SPEG: variants seen among roughly 807,000 people sequenced by gnomAD.
SPEG encodes the protein striated muscle enriched protein kinase, also known as striated muscle preferentially expressed protein kinase.
In SPEG, 114 loss-of-function variants were observed where a neutral mutation model predicts 300.4. That is an observed-to-expected ratio of 0.38 (90% CI 0.33 to 0.44). The LOEUF is 0.44. Among genes scored for constraint, SPEG ranks in the 20% least tolerant of loss-of-function variants. The pLI, the probability that SPEG is intolerant of heterozygous loss-of-function variation, is 1.00. For synonymous variants in SPEG, 1,964 were observed against 2,018.9 expected (o/e 0.97, Z 0.73); for missense variants, 4,201 against 4,586.2 (o/e 0.92, Z 2.43).
In SPEG at chr2:219,448,169, T is replaced by C; in HGVS notation, c.1011T>C (p.Arg337=). ...CGGCCACCCCCACGTCGCCCCACCGTCGCACTCAGGAGCCTGTGCTGCCCG... is the reference window on the plus strand; with the variant it reads ...CGGCCACCCCCACGTCGCCCCACCGCCGCACTCAGGAGCCTGTGCTGCCCG... ...QPAATPTSPH[R]RTQEPVLPED... The change falls in exon 4 of 41, where the codon CGT becomes CGC. Residue 337 remains arginine (R), a synonymous_variant. Transcript: ENST00000312358. 6.2e-7 allele frequency: 1 copy of C among 1,611,280 alleles called. No individual in the cohort carries two copies. The highest frequency in any genetic ancestry group is 8.5e-7 in the Non-Finnish European group (1 of 1,179,150).
chr2:219,435,457 C>T, intron 1 of SPEG, 92 bp downstream of exon 1: 1 of 1,301,774 alleles, frequency 7.7e-7, no homozygotes, highest in South Asian at 1.6e-5. Flanking sequence ...GTACTGGATA[C>T]TGGTTCCGCC....
At chr2:219,472,180 G>A (rs775789760) in intron 14 of SPEG, 47 bp from the exon 15 acceptor site, 1 of 1,587,226 alleles carries the variant, frequency 6.3e-7, no homozygotes, top group African/African-American at 1.3e-5. Flanking sequence ...ATCCTGTGGG[G>A]CTGTTGGGCC....
Position 219,449,059 on chromosome 2 carries a change from C to G in SPEG, c.1901C>G (p.Pro634Arg), listed in dbSNP as rs1420285158. Residue 634 changes from proline (P) to arginine (R), a missense_variant, in exon 4 of 41, where the codon CCG (proline) becomes CGG (arginine). By Grantham distance (103) the Pro-to-Arg change is moderately radical (BLOSUM62 -2). Coordinates refer to ENST00000312358, the MANE Select transcript of SPEG (RefSeq NM_005876.5). ...KAPPGRKREPPAQAVRFLPWA... is the reference protein window; with the variant it reads ...KAPPGRKREPRAQAVRFLPWA... ...CCCCCCGGTCGGAAGCGGGAGCCCC[C>G]GGCGCAGGCCGTGCGCTTCCTGCCC... The G allele has an allele frequency of 5.3e-6, 8 of 1,517,532 alleles. No individual in the cohort carries two copies. Among genetic ancestry groups the G allele is most frequent in the Non-Finnish European group, 7.1e-6 (8 of 1,132,558 alleles). 94.0% of individuals were successfully genotyped at this position (1,517,532 alleles called of 1,614,324 possible).
Position 219,464,845 on chromosome 2 carries a change from C to T in SPEG, c.2881+237C>T, listed in dbSNP as rs2125429240. On this transcript the variant is annotated intron_variant, in intron 9 of 40. Coordinates refer to ENST00000312358, the MANE Select transcript of SPEG (RefSeq NM_005876.5). This position sits in a 1 kb window ranked among gnomAD's most constrained non-coding sequence, Gnocchi z 4.5. ...CAGCTTACTACACAACACCACCTTC[C>T]CTGTTGCTCCATCACGGAGCCCTGG... 2.0e-6 allele frequency: 1 copy of T among 508,482 alleles called. No individual in the cohort carries two copies. Among genetic ancestry groups the T allele is most frequent in the Non-Finnish European group, 3.5e-6 (1 of 285,682 alleles). 31.5% of individuals were successfully genotyped at this position (508,482 alleles called of 1,614,324 possible). A position where few individuals can be genotyped will look rare whatever the true frequency, so the allele number is the denominator to read the frequency against.
Position 219,488,428 on chromosome 2 carries a change from G to A in SPEG, c.7859-70G>A, listed in dbSNP as rs745650477. 3.9e-5 allele frequency: 59 copies of A among 1,509,956 alleles called. No homozygotes were observed. In the South Asian group the frequency reaches 5.6e-4, roughly 14 times the overall value. The allele number at this position is 1,509,956 out of a possible 1,614,324, so 93.5% of individuals were successfully genotyped here. A position where few individuals can be genotyped will look rare whatever the true frequency, so the allele number is the denominator to read the frequency against. ...ACGGTTAGGGGGGATGCTGGAGTGG[G>A]GAGTGAGTGAGGGGGCCTGGACATG... is the stretch of plus-strand genomic sequence containing the variant. On this transcript the variant is annotated intron_variant, in intron 32 of 40. Transcript: ENST00000312358.
chr2:219,456,608 A>G (rs1049697084), intron 6 of SPEG, among the ~76,000 whole-genome samples: 15 of 152,300 alleles, frequency 9.8e-5, no homozygotes, highest in Admixed American at 9.1e-4. Flanking sequence ...TAACATAGTC[A>G]TATATAAGAA....
At chr2:219,490,080 CA>C in intron 36 of SPEG, 141 bp downstream of exon 36, 1 of 1,021,050 alleles carries the variant, frequency 9.8e-7, no homozygotes, top group South Asian at 1.7e-5. Context: ...TGATTGCGTT[CA>C]AATGTGCCAG....
intron 36 of SPEG, 114 bp from the exon 37 acceptor site, chr2:219,490,294 TG>T: frequency 7.1e-7 from 1 of 1,417,360 alleles, no homozygotes; most frequent in Non-Finnish European, 9.5e-7. Context: ...GAGCCCACAC[TG>T]GAACCACTGC....
chr2:219,441,436 C>G (rs1399166685), intron 1 of SPEG: 1 of 459,294 alleles, frequency 2.2e-6, no homozygotes, highest in Non-Finnish European at 4.4e-6. Context: ...AGTCCACACC[C>G]GCCAGGACCC....
intron 9 of SPEG, chr2:219,466,470 GGT>G: frequency 8.4e-7 from 1 of 1,185,584 alleles, no homozygotes; most frequent in Non-Finnish European, 1.1e-6. Flanking sequence ...TCGGAGCTGA[GGT>G]GGGGTGAGAC....
chr2:219,465,949 G>T lies in SPEG; in HGVS notation c.2882-1225G>T, dbSNP rs369576487. On this transcript the variant is annotated intron_variant, in intron 9 of 40. Coordinates refer to ENST00000312358, the MANE Select transcript of SPEG (RefSeq NM_005876.5). ...CGCGCGTGTGCGTGCACGTGTGCGT[G>T]CATGTGTGCGTGTGCATGCGTGTGT... The T allele has an allele frequency of 6.0e-5, 55 of 913,484 alleles. No homozygotes were observed. The African/African-American group carries it at 6.7e-4, about 11-fold the overall frequency. 56.6% of individuals were successfully genotyped at this position (913,484 alleles called of 1,614,324 possible).
chr2:219,465,919 G>C (rs1437353094), intron 9 of SPEG: 3 of 710,332 alleles, frequency 4.2e-6, no homozygotes, highest in Non-Finnish European at 7.2e-6. Flanking sequence ...ATGCGTGTGT[G>C]TGTGCGCGCG....
intron 6 of SPEG, 80 bp from the exon 7 acceptor site, chr2:219,461,802 G>C (rs992110920): frequency 1.4e-6 from 2 of 1,458,266 alleles, no homozygotes; most frequent in Non-Finnish European, 1.9e-6. Flanking sequence ...CAACTCCTGG[G>C]CTCTGGGCGA....
rs1248781202 is a variant in SPEG, at chr2:219,477,586, A to C, written c.4730-103A>C. 5.1e-6 allele frequency: 7 copies of C among 1,372,024 alleles called. No homozygotes were observed. In the African/African-American group the frequency reaches 1.0e-4, roughly 20 times the overall value. 85.0% of individuals were successfully genotyped at this position (1,372,024 alleles called of 1,614,324 possible). A position where few individuals can be genotyped will look rare whatever the true frequency, so the allele number is the denominator to read the frequency against. On this transcript the variant is annotated intron_variant, in intron 20 of 40. Transcript: ENST00000312358. The surrounding 1 kb of genome is among the most constrained non-coding windows in gnomAD (Gnocchi z 6.4). ...CAGCACCCCGCCTTGAGCCCCCAAC[A>C]TTCTTGCACCTCTTCTCTCTTCTTC... is the stretch of plus-strand genomic sequence containing the variant.
In SPEG at chr2:219,479,059, C is replaced by T; in HGVS notation, c.5028-85C>T. 2.5e-6 allele frequency: 3 copies of T among 1,213,856 alleles called. No individual in the cohort carries two copies. Among genetic ancestry groups the T allele is most frequent in the Non-Finnish European group, 3.6e-6 (3 of 828,722 alleles). 75.2% of individuals were successfully genotyped at this position (1,213,856 alleles called of 1,614,324 possible). On this transcript the variant is annotated intron_variant, in intron 22 of 40. Coordinates refer to ENST00000312358, the MANE Select transcript of SPEG (RefSeq NM_005876.5). This position sits in a 1 kb window ranked among gnomAD's most constrained non-coding sequence, Gnocchi z 5.5. The stretch of plus-strand genomic sequence containing the variant: ...GCATTCTGTAAGGGGAAGGAGAACC[C>T]CGTGCTGAGCTGGGACCTGCCCTGA...
chr2:219,481,434 A>G lies in SPEG; in HGVS notation c.5500A>G (p.Lys1834Glu). Residue 1834 changes from lysine (K) to glutamate (E), a missense_variant, in exon 27 of 41, where the codon AAA (lysine) becomes GAA (glutamate). Physicochemically the swap from Lys to Glu is moderately conservative, Grantham distance 56 (BLOSUM62 1). Coordinates refer to ENST00000312358, the MANE Select transcript of SPEG (RefSeq NM_005876.5). The surrounding 1 kb of genome is among the most constrained non-coding windows in gnomAD (Gnocchi z 5.4). The stretch of plus-strand genomic sequence containing the variant: ...CAGGGAGGCCCGGGGCTTCCTCATC[A>G]AAGTGTTGGTGCAGGACCGGCTGTG... ...LSREARGFLI[K>E]VLVQDRLRPT... is the part of the protein sequence containing the mutation. 1 of 1,614,100 alleles carries G rather than the reference A, an allele frequency of 6.2e-7. No individual in the cohort carries two copies. The highest frequency in any genetic ancestry group is 8.5e-7 in the Non-Finnish European group (1 of 1,179,998).
At position 219,444,913 on chromosome 2, in the gene SPEG, C is replaced by T. The variant is rs1689168210; in HGVS notation, c.567C>T (p.Gly189=). 1 of 1,575,834 alleles carries T rather than the reference C, an allele frequency of 6.3e-7. No individual in the cohort carries two copies. The highest frequency in any genetic ancestry group is 1.2e-5 in the South Asian group (1 of 82,828). Residue 189 remains glycine, a synonymous_variant, in exon 3 of 41, where the codon GGC becomes GGT. Coordinates refer to ENST00000312358, the MANE Select transcript of SPEG (RefSeq NM_005876.5). This position sits in a 1 kb window ranked among gnomAD's most constrained non-coding sequence, Gnocchi z 7.8. The part of the protein sequence containing the change: ...GTSEEQVSWW[G]SGQTVLEQEA... ...CAGAGGAGCAAGTGAGCTGGTGGGG[C>T]AGCGGGCAGACGGTCCTGGAGCAGG... is the stretch of plus-strand genomic sequence containing the variant.
At chr2:219,485,936 G>A (rs1033214843) in intron 31 of SPEG, among the ~76,000 whole-genome samples, 1 of 152,186 alleles carries the variant, frequency 6.6e-6, no homozygotes, top group Non-Finnish European at 1.5e-5. Flanking sequence ...ACTTTTCAAG[G>A]AGCTCAAGAT....
intron 18 of SPEG, chr2:219,474,359 C>G (rs1288103842): frequency 7.9e-6 from 1 of 126,020 alleles, no homozygotes; most frequent in African/African-American, 3.1e-5. Flanking sequence ...GCCTGGGCAA[C>G]AAGAGCAAAA....
Sources: gnomAD v4.1 joint callset for allele counts (sites outside exome capture counted in the v4.1 genomes callset) on GRCh38, gnomAD v4.1.1 for gene constraint, Gnocchi (gnomAD v3.1) non-coding constraint, MANE v1.5 for transcripts, NCBI Gene and HGNC (gene_info 2026-07-23, HGNC 2026-07-21) for gene names.